Variants in LOC131768270 observed in about 807,000 individuals in gnomAD.
At chr5:140,566,817 CTT>C in the LOC131768270 span, 1 of 603,000 alleles carries the variant, frequency 1.7e-6, no homozygotes, top group South Asian at 2.0e-5. Context: ...GGTGGAGACA[CTT>C]TATCTGGATT....
the LOC131768270 span, chr5:140,565,198 C>G: frequency 6.4e-6 from 2 of 311,816 alleles, no homozygotes; most frequent in Non-Finnish European, 1.2e-5. Context: ...TCCAATCACA[C>G]GGACACTCAC....
At chr5:140,567,679 TC>T in the LOC131768270 span, 2 of 1,613,740 alleles carry the variant, frequency 1.2e-6, no homozygotes, top group Admixed American at 1.7e-5. Context: ...CCCTTCCCAG[TC>T]CCCCTCCAGC....
chr5:140,567,298 C>T, the LOC131768270 span: 34 of 1,614,038 alleles, frequency 2.1e-5, no homozygotes, highest in East Asian at 8.9e-5. Flanking sequence ...GCCATGTGGA[C>T]GGCCGAGTGC....
the LOC131768270 span, chr5:140,567,958 T>G: frequency 6.2e-7 from 1 of 1,614,210 alleles, no homozygotes; most frequent in Non-Finnish European, 8.5e-7. Context: ...AGGCACTAAA[T>G]GGACTGCTCA....
At chr5:140,567,887 G>A in the LOC131768270 span, 20 of 1,614,178 alleles carry the variant, frequency 1.2e-5, no homozygotes, top group Middle Eastern at 3.3e-4. Context: ...TGCTGGCGGC[G>A]GCTCTGGCCC....
the LOC131768270 span, chr5:140,566,013 C>G: frequency 2.5e-6 from 1 of 398,832 alleles, no homozygotes. Context: ...GGCTTTATTG[C>G]CCAACATGCT....
At chr5:140,565,087 A>G in the LOC131768270 span, 1,426 of 395,918 alleles carry the variant, frequency 3.6e-3, 11 homozygotes, top group African/African-American at 0.027. Flanking sequence ...AACCATCACG[A>G]ACCCGTTACT....
chr5:140,566,553 T>C, the LOC131768270 span: 5 of 412,972 alleles, frequency 1.2e-5, no homozygotes, highest in Non-Finnish European at 1.3e-5. Context: ...CCTTCTGCAT[T>C]TTTCTCTGCA....
At chr5:140,568,159 C>T in the LOC131768270 span, 4 of 1,613,740 alleles carry the variant, frequency 2.5e-6, no homozygotes, top group Non-Finnish European at 8.5e-7. Flanking sequence ...TGACAACTTC[C>T]ACCCTGATTC....
chr5:140,567,472 C>A, the LOC131768270 span: 1 of 1,614,158 alleles, frequency 6.2e-7, no homozygotes, highest in Non-Finnish European at 8.5e-7. Flanking sequence ...CTAACAACAA[C>A]CTGGTGATCT....
chr5:140,566,543 C>G, the LOC131768270 span: 1 of 411,968 alleles, frequency 2.4e-6, no homozygotes, highest in Non-Finnish European at 4.3e-6. Flanking sequence ...AGCTAAGTTT[C>G]CTTCTGCATT....
the LOC131768270 span, chr5:140,567,374 C>T: frequency 6.2e-7 from 1 of 1,614,200 alleles, no homozygotes; most frequent in Non-Finnish European, 8.5e-7. Context: ...CGCCTTCTCC[C>T]TTCTGGTAGG....
At chr5:140,567,438 C>T in the LOC131768270 span, 1 of 1,614,160 alleles carries the variant, frequency 6.2e-7, no homozygotes, top group Non-Finnish European at 8.5e-7. Flanking sequence ...GCTCCCTTCG[C>T]ACTATCAGCC....
the LOC131768270 span, chr5:140,566,699 T>C: frequency 7.0e-6 from 4 of 574,558 alleles, no homozygotes; most frequent in Admixed American, 6.4e-5. Flanking sequence ...AGGCATATGC[T>C]GTGCCCAACG....
chr5:140,566,965 C>T, the LOC131768270 span: 8 of 773,628 alleles, frequency 1.0e-5, no homozygotes, highest in Middle Eastern at 4.8e-4. Context: ...CCATGGGACT[C>T]GCCCCAAGAC....
chr5:140,568,808 G>T, the LOC131768270 span: 1 of 167,486 alleles, frequency 6.0e-6, no homozygotes, highest in African/African-American at 2.4e-5. Flanking sequence ...AGGGAATGTA[G>T]CCCCTGGGCC....
chr5:140,568,154 A>G, the LOC131768270 span: 3 of 1,613,608 alleles, frequency 1.9e-6, no homozygotes, highest in East Asian at 4.5e-5. Context: ...GTCCCTGACA[A>G]CTTCCACCCT....
At chr5:140,567,336 T>C in the LOC131768270 span, 1 of 1,614,190 alleles carries the variant, frequency 6.2e-7, no homozygotes, top group Non-Finnish European at 8.5e-7. Context: ...GCCGTGCTGC[T>C]GACTGAGCTG....
At chr5:140,568,675 C>CT in the LOC131768270 span, 1 of 177,392 alleles carries the variant, frequency 5.6e-6, no homozygotes, top group East Asian at 1.9e-4. Context: ...CCAAACCACT[C>CT]TGACAGTCTC....
Sources: allele counts gnomAD v4.1 joint callset, GRCh38; gene constraint gnomAD v4.1.1; transcripts MANE v1.5.